The following CD151 variants were observed in gnomAD, a reference collection of about 807,000 sequenced individuals.
CD151 encodes CD151 molecule (Raph blood group), also known as CD151 antigen.
In CD151, 20 loss-of-function variants were observed where a neutral mutation model predicts 34.2. The observed-to-expected ratio is 0.58, with a 90% confidence interval of 0.41 to 0.85. The LOEUF (loss-of-function observed/expected upper bound fraction) is 0.85. Ranked by LOEUF, CD151 falls within the 40% of genes least tolerant of loss-of-function variation. The pLI is 0.00. For synonymous variants in CD151, 157 were observed against 131.7 expected, an observed-to-expected ratio of 1.19 and a Z score of -1.32; for missense variants, 306 against 324.5, an observed-to-expected ratio of 0.94 and a Z score of 0.44.
chr11:834,157 G>C (rs1382273999), intron 1 of CD151: 1 of 152,108 alleles, frequency 6.6e-6, no homozygotes, highest in Non-Finnish European at 1.5e-5. Flanking sequence ...TCAGGAGTTC[G>C]AGACCAGCCT....
Position 838,007 on chromosome 11 carries a change from G to T in CD151, c.681G>T (p.Gly227=), listed in dbSNP as rs775998930. ...ACCTGAGGGTCATTGGGGCTGTGGG[G>T]ATCGGCATTGCCTGTGTGCAGGTGA... ...QEHLRVIGAV[G]IGIACVQVFG... Residue 227 remains glycine (G), a synonymous_variant, in exon 8 of 9, where the codon GGG becomes GGT. Coordinates refer to ENST00000397420, the MANE Select transcript of CD151 (RefSeq NM_004357.5). 1 of 1,613,450 alleles carries T rather than the reference G, an allele frequency of 6.2e-7. No homozygotes were observed. The highest frequency in any genetic ancestry group is 2.2e-5 in the East Asian group (1 of 44,876).
At chr11:837,770 T>A in intron 7 of CD151, 152 bp downstream of exon 7, 1 of 902,094 alleles carries the variant, frequency 1.1e-6, no homozygotes, top group Non-Finnish European at 1.7e-6. Context: ...AGACCACACC[T>A]CCAATATCTA....
chr11:836,579 G>A, intron 4 of CD151, 137 bp downstream of exon 4: 1 of 834,134 alleles, frequency 1.2e-6, no homozygotes, highest in South Asian at 1.7e-5. Flanking sequence ...GCCTAGTCCT[G>A]TGGGTCCCCA....
At chr11:835,867 C>G in intron 2 of CD151, 196 bp from the exon 3 acceptor site, 1 of 548,762 alleles carries the variant, frequency 1.8e-6, no homozygotes, top group Non-Finnish European at 3.3e-6. Flanking sequence ...TTTTGTATTT[C>G]TAGTACAGAC....
intron 6 of CD151, 34 bp from the exon 7 acceptor site, chr11:837,426 C>T: frequency 6.2e-7 from 1 of 1,611,822 alleles, no homozygotes; most frequent in Non-Finnish European, 8.5e-7. Context: ...GCCTCTGGCC[C>T]CAGGTCTCAA....
At chr11:836,880 A>G (rs1466080717) in intron 5 of CD151, 37 bp downstream of exon 5, 1 of 1,581,446 alleles carries the variant, frequency 6.3e-7, no homozygotes, top group African/African-American at 1.3e-5. Flanking sequence ...AGACACAGAC[A>G]TGCACAGGCG....
At position 836,442 on chromosome 11, in the gene CD151, G is replaced by A. The variant is rs1423327910; in HGVS notation, c.276G>A (p.Leu92=). Residue 92 remains leucine (L), a splice_region_variant and synonymous_variant, in exon 4 of 9, where the codon CTG becomes CTA. Transcript: ENST00000397420. ...AGGAGCGTCGGAACCTGCTGCGCCT[G>A]GTCAGGAGGGCGCAGGGCCACGGGG... The part of the protein sequence containing the change: ...TFKERRNLLR[L]YFILLLIIFL... 6.2e-7 allele frequency: 1 copy of A among 1,603,022 alleles called. No homozygotes were observed. Among genetic ancestry groups the A allele is most frequent in the Non-Finnish European group, 8.5e-7 (1 of 1,176,238 alleles).
Position 837,556 on chromosome 11 carries a change from T to A in CD151, c.553T>A (p.Cys185Ser). 1 of 1,613,088 alleles carries A rather than the reference T, an allele frequency of 6.2e-7. No homozygotes were observed. Among genetic ancestry groups the A allele is most frequent in the Non-Finnish European group, 8.5e-7 (1 of 1,179,946 alleles). ...TGGCCGTGTGGTCCCAGACAGCTGCTGCAAGACGGTGGTGGCTCTTTGTGG... is the reference window on the plus strand; with the variant it reads ...TGGCCGTGTGGTCCCAGACAGCTGCAGCAAGACGGTGGTGGCTCTTTGTGG... ...AGGRVVPDSC[C>S]KTVVALCGQR... The change falls in exon 7 of 9, where the codon TGC becomes AGC. Residue 185 changes from cysteine to serine, a missense_variant. Cys to Ser is a moderately radical substitution (Grantham distance 112, BLOSUM62 -1). Coordinates refer to ENST00000397420, the MANE Select transcript of CD151 (RefSeq NM_004357.5).
chr11:833,792 TC>T (rs1406884208), intron 1 of CD151, among the ~76,000 whole-genome samples: 1 of 41,544 alleles, frequency 2.4e-5, no homozygotes, highest in African/African-American at 7.4e-5. Context: ...GGCTCACACA[TC>T]CCCCCATCGG....
Position 836,156 on chromosome 11 carries a change from G to A in CD151, c.84+3G>A. 1 of 1,611,146 alleles carries A rather than the reference G, an allele frequency of 6.2e-7. No homozygotes were observed. Among genetic ancestry groups the A allele is most frequent in the Non-Finnish European group, 8.5e-7 (1 of 1,178,460 alleles). On this transcript the variant is annotated splice_donor_region_variant and intron_variant, in intron 3 of 8. Transcript: ENST00000397420. The stretch of plus-strand genomic sequence containing the variant: ...TTACCTACAATTGCTGCTTCTGGGT[G>A]AGGAGGGGTCGCCTTGCCCCCACCC...
rs766766478 is a variant in CD151 at position 836,829 on chromosome 11, G to C, written c.337G>C (p.Ala113Pro). The C allele has an allele frequency of 6.2e-7, 1 of 1,612,480 alleles. No individual in the cohort carries two copies. Among genetic ancestry groups the C allele is most frequent in the Non-Finnish European group, 8.5e-7 (1 of 1,179,850 alleles). ...GATCATCGCTGGTATCCTCGCCTAC[G>C]CCTACTACCAGCAGGTGAGGGGCCT... ...LEIIAGILAY[A>P]YYQQLNTELK... is the part of the protein sequence containing the mutation. Residue 113 changes from alanine (A) to proline (P), a missense_variant, in exon 5 of 9, where the codon GCC becomes CCC. Physicochemically the swap from Ala to Pro is conservative, Grantham distance 27. Coordinates refer to ENST00000397420, the MANE Select transcript of CD151 (RefSeq NM_004357.5).
intron 1 of CD151, among the ~76,000 whole-genome samples, chr11:833,643 G>A (rs577165690): frequency 2.4e-4 from 36 of 152,326 alleles, no homozygotes; most frequent in African/African-American, 8.7e-4. Flanking sequence ...GGTCCAGAGG[G>A]ACCAGGCATT....
chr11:836,469 G>A (rs1395509136), intron 4 of CD151, 27 bp downstream of exon 4: 5 of 1,556,864 alleles, frequency 3.2e-6, no homozygotes, highest in Non-Finnish European at 4.4e-6. Flanking sequence ...GCCACGGGGT[G>A]GGGGTGGTGC....
intron 1 of CD151, among the ~76,000 whole-genome samples, chr11:833,434 G>T (rs549598583): frequency 2.0e-5 from 3 of 152,212 alleles, no homozygotes; most frequent in Non-Finnish European, 4.4e-5. Flanking sequence ...AAGTGGGCGC[G>T]CCATTGGCCG....
intron 5 of CD151, 52 bp downstream of exon 5, chr11:836,895 G>A (rs375782528): frequency 8.1e-5 from 123 of 1,512,710 alleles, no homozygotes; most frequent in African/African-American, 4.3e-4. Context: ...CAGGCGGGGC[G>A]GACACACACA....
intron 4 of CD151, 141 bp downstream of exon 4, chr11:836,583 G>A (rs889464465): frequency 2.7e-5 from 22 of 829,834 alleles, no homozygotes; most frequent in Middle Eastern, 2.3e-4. Context: ...AGTCCTGTGG[G>A]TCCCCACGTT....
chr11:836,022 C>T (rs776837956), intron 2 of CD151, 41 bp from the exon 3 acceptor site: 4 of 1,192,176 alleles, frequency 3.4e-6, no homozygotes, highest in Non-Finnish European at 5.0e-6. Context: ...AGTCAGGGGC[C>T]CGGTGCTGTG....
chr11:837,658 G>A (rs1188090199), intron 7 of CD151, 40 bp downstream of exon 7: 2 of 1,531,974 alleles, frequency 1.3e-6, no homozygotes. Context: ...TGTCTACGAG[G>A]TGGTGGGGGG....
chr11:835,428 T>A (rs879651879), intron 2 of CD151: 7 of 152,060 alleles, frequency 4.6e-5, no homozygotes, highest in African/African-American at 7.3e-5. Context: ...AAGCTCCGCC[T>A]CCCGGGTTCA....
Sources: allele counts gnomAD v4.1 joint callset (sites outside exome capture counted in the v4.1 genomes callset), GRCh38; gene constraint gnomAD v4.1.1; transcripts MANE v1.5; gene names NCBI Gene and HGNC (gene_info 2026-07-23, HGNC 2026-07-21).